TMEM131L: variants seen among roughly 807,000 people sequenced by gnomAD.
TMEM131L encodes transmembrane protein 131-like.
TMEM131L carries 54 observed loss-of-function variants against 192.2 expected under a neutral mutation model. The observed-to-expected ratio is 0.28, with a 90% CI of 0.23 to 0.35. The LOEUF is 0.35. Among genes scored for constraint, TMEM131L ranks in the 10% least tolerant of loss-of-function variants. The probability of loss-of-function intolerance (pLI) is 1.00; values close to 1 mark genes in which losing one functional copy is unlikely to be tolerated. For synonymous variants in TMEM131L, 701 were observed against 704.9 expected, an observed-to-expected ratio of 0.99 and a Z score of 0.09; for missense variants, 1,888 against 1,972.9, an observed-to-expected ratio of 0.96 and a Z score of 0.82.
chr4:153,524,664 A>C (rs1735350924), intron 3 of TMEM131L, among the ~76,000 whole-genome samples: 1 of 152,238 alleles, frequency 6.6e-6, no homozygotes, highest in South Asian at 2.1e-4. Flanking sequence ...CTGTTTAACC[A>C]GATCCTTGAC....
intron 3 of TMEM131L, among the ~76,000 whole-genome samples, chr4:153,516,958 C>G (rs1483153703): frequency 6.6e-6 from 1 of 152,158 alleles, no homozygotes; most frequent in African/African-American, 2.4e-5. Flanking sequence ...TCCTGAGTAG[C>G]TGGGATTACA....
At chr4:153,478,333 CT>C (rs1032968803) in intron 3 of TMEM131L, among the ~76,000 whole-genome samples, 7 of 152,256 alleles carry the variant, frequency 4.6e-5, no homozygotes, top group Admixed American at 3.3e-4. Flanking sequence ...ATTCATTTAC[CT>C]TCTACCTTCT....
chr4:153,598,681 G>A lies in TMEM131L; in HGVS notation c.2215G>A (p.Gly739Ser). The change falls in exon 21 of 35, where the codon GGC (glycine) becomes AGC (serine). Residue 739 changes from glycine (G) to serine (S), a missense_variant. Gly to Ser is a moderately conservative substitution (Grantham distance 56, BLOSUM62 0). Transcript: ENST00000409959. ...GGGTGGAAGACTTCCTGGTGCAGGA[G>A]GCTCACTCCGATTTAAGGTGCCCGA... ...KVGGRLPGAG[G>S]SLRFKVPEST... is the part of the protein sequence containing the mutation. 1.2e-6 allele frequency: 2 copies of A among 1,613,998 alleles called. No homozygotes were observed. The highest frequency in any genetic ancestry group is 1.7e-6 in the Non-Finnish European group (2 of 1,179,932).
intron 15 of TMEM131L, among the ~76,000 whole-genome samples, chr4:153,588,520 A>G (rs754326659): frequency 2.6e-5 from 4 of 150,978 alleles, no homozygotes; most frequent in Non-Finnish European, 5.9e-5. Context: ...GGCACTCTAG[A>G]TAGTGACCTG....
chr4:153,557,525 G>A (rs911667332), intron 6 of TMEM131L, among the ~76,000 whole-genome samples: 5 of 152,136 alleles, frequency 3.3e-5, no homozygotes, highest in Non-Finnish European at 7.3e-5. Flanking sequence ...TGGTTCCAAG[G>A]GAGCTCACTA....
At chr4:153,520,141 A>G (rs1735007971) in intron 3 of TMEM131L, among the ~76,000 whole-genome samples, 1 of 152,044 alleles carries the variant, frequency 6.6e-6, no homozygotes, top group Non-Finnish European at 1.5e-5. Context: ...TAAGATTTGG[A>G]AGGAAGATTT....
At chr4:153,574,873 C>A (rs755071191) in intron 7 of TMEM131L, among the ~76,000 whole-genome samples, 1 of 152,196 alleles carries the variant, frequency 6.6e-6, no homozygotes, top group Non-Finnish European at 1.5e-5. Context: ...CAGGTGTGAG[C>A]CACTGCGCCC....
intron 3 of TMEM131L, among the ~76,000 whole-genome samples, chr4:153,499,688 A>G (rs1161029461): frequency 6.6e-6 from 1 of 152,024 alleles, no homozygotes; most frequent in African/African-American, 2.4e-5. Flanking sequence ...GCCTCCCAAA[A>G]TGCTAGGATT....
chr4:153,588,083 A>C (rs962212382), intron 15 of TMEM131L, among the ~76,000 whole-genome samples: 2 of 148,674 alleles, frequency 1.3e-5, no homozygotes, highest in African/African-American at 5.0e-5. Flanking sequence ...CGATCATCAC[A>C]GCACCCATAG....
chr4:153,490,456 G>A (rs1158066833), intron 3 of TMEM131L, among the ~76,000 whole-genome samples: 1 of 152,146 alleles, frequency 6.6e-6, no homozygotes, highest in Non-Finnish European at 1.5e-5. Context: ...TTTAACCTGG[G>A]TTGTAAATTC....
intron 26 of TMEM131L, among the ~76,000 whole-genome samples, chr4:153,612,627 C>G (rs1732712260): frequency 6.6e-6 from 1 of 152,114 alleles, no homozygotes; most frequent in East Asian, 1.9e-4. Context: ...AGAATCTGTT[C>G]TTAAGCAAAT....
At chr4:153,628,262 A>G (rs1437010859) in intron 31 of TMEM131L, among the ~76,000 whole-genome samples, 1 of 152,200 alleles carries the variant, frequency 6.6e-6, no homozygotes, top group African/African-American at 2.4e-5. Context: ...GGAAGTAGGA[A>G]TGGGTGGGAA....
intron 1 of TMEM131L, 85 bp downstream of exon 1, chr4:153,466,606 G>A: frequency 8.5e-7 from 1 of 1,182,580 alleles, no homozygotes; most frequent in South Asian, 3.7e-5. Flanking sequence ...TCTATAAGAG[G>A]GCGAGGGGAG....
At chr4:153,559,844 T>C in intron 7 of TMEM131L, among the ~76,000 whole-genome samples, 1 of 152,116 alleles carries the variant, frequency 6.6e-6, no homozygotes, top group South Asian at 2.1e-4. Flanking sequence ...ATCCCGCTTA[T>C]GGCTGTAAGA....
At chr4:153,509,191 C>A (rs544313292) in intron 3 of TMEM131L, among the ~76,000 whole-genome samples, 2 of 136,514 alleles carry the variant, frequency 1.5e-5, no homozygotes, top group African/African-American at 6.8e-5. Flanking sequence ...CTAAAAACAA[C>A]AACAACAAAA....
At chr4:153,601,607 A>T (rs891610919) in intron 21 of TMEM131L, among the ~76,000 whole-genome samples, 2 of 152,252 alleles carry the variant, frequency 1.3e-5, no homozygotes, top group Non-Finnish European at 2.9e-5. Context: ...ATTCACAAGG[A>T]TATTTAAAAA....
At chr4:153,512,875 G>T (rs913840351) in intron 3 of TMEM131L, among the ~76,000 whole-genome samples, 3 of 152,146 alleles carry the variant, frequency 2.0e-5, no homozygotes, top group Non-Finnish European at 2.9e-5. Flanking sequence ...GCCTCCCAAA[G>T]TACTGGGATT....
chr4:153,632,640 G>C, intron 31 of TMEM131L, 78 bp from the exon 32 acceptor site: 2 of 1,565,512 alleles, frequency 1.3e-6, no homozygotes, highest in Non-Finnish European at 1.7e-6. Flanking sequence ...GTTTTCTGGA[G>C]GGAAGGGCAG....
chr4:153,591,156 A>G lies in TMEM131L; in HGVS notation c.1774A>G (p.Met592Val), dbSNP rs749473511. The G allele has an allele frequency of 1.4e-5, 22 of 1,610,000 alleles. No individual in the cohort carries two copies. The highest frequency in any genetic ancestry group is 1.7e-5 in the Non-Finnish European group (20 of 1,177,612). ...TCGTTTGATCGCAGAGCCTGGCCTC[A>G]TGTTAAACTTCAGCGCAACTGCCCT... ...LPRLIAEPGLMLNFSATALRS... is the reference protein window; with the variant it reads ...LPRLIAEPGLVLNFSATALRS... The change falls in exon 17 of 35, where the codon ATG (methionine) becomes GTG (valine). Residue 592 changes from methionine to valine, a missense_variant. Met to Val is a conservative substitution (Grantham distance 21, BLOSUM62 1). Transcript: ENST00000409959.
Sources: allele counts gnomAD v4.1 joint callset (sites outside exome capture counted in the v4.1 genomes callset), GRCh38; gene constraint gnomAD v4.1.1; transcripts MANE v1.5; gene names NCBI Gene and HGNC (gene_info 2026-07-23, HGNC 2026-07-21).